Variants in ABHD18 observed in about 807,000 individuals in gnomAD.
ABHD18 encodes the protein cardiolipin-specific deacylase, mitochondrial.
A neutral mutation model predicts 65.9 loss-of-function variants in ABHD18; 55 were observed. The ratio of observed to expected loss-of-function variants is 0.84; its 90% CI spans 0.67 to 1.05. The LOEUF is 1.05. Ranked by LOEUF, ABHD18 falls within the 50% of genes least tolerant of loss-of-function variation. The pLI is 0.00. For synonymous variants in ABHD18, 181 were observed against 180.2 expected (o/e 1.00, Z -0.04); for missense variants, 533 against 558.5 (o/e 0.95, Z 0.46).
intron 10 of ABHD18, 108 bp downstream of exon 10, chr4:128,021,346 C>A: frequency 3.0e-6 from 2 of 674,142 alleles, no homozygotes; most frequent in Non-Finnish European, 4.9e-6. Context: ...CATAGCTGTA[C>A]ATACTATTTT....
At chr4:127,985,226 CT>C (rs1219745874) in intron 3 of ABHD18, among the ~76,000 whole-genome samples, 22 of 147,990 alleles carry the variant, frequency 1.5e-4, no homozygotes, top group East Asian at 5.9e-4. Context: ...TTTTTGTAAT[CT>C]TTTTTTTTTA....
chr4:128,021,690 A>C (rs1756526317), intron 10 of ABHD18, among the ~76,000 whole-genome samples: 1 of 152,144 alleles, frequency 6.6e-6, no homozygotes, highest in Non-Finnish European at 1.5e-5. Context: ...AAAATAAAAC[A>C]CAGATACAGA....
chr4:128,021,885 TC>T (rs1186049004), intron 10 of ABHD18, among the ~76,000 whole-genome samples: 1 of 152,208 alleles, frequency 6.6e-6, no homozygotes, highest in African/African-American at 2.4e-5. Flanking sequence ...TAGTAATTAC[TC>T]CTTCTGCCTT....
rs1202864757 is a variant in ABHD18 at position 127,989,759 on chromosome 4, C to T, written c.216C>T (p.His72=). ...EQSDCKILDG[H]FVSPMAHYVP... ...CAGATTGTAAGATCTTAGATGGACA[C>T]TTTGTTTCCCCCATGGCTCACTATG... The change falls in exon 4 of 13, where the codon CAC becomes CAT. Residue 72 remains histidine, a synonymous_variant. Transcript: ENST00000645843. 5.6e-6 allele frequency: 9 copies of T among 1,602,212 alleles called. No individual in the cohort carries two copies. The African/African-American group carries it at 6.7e-5, about 12-fold the overall frequency.
chr4:128,007,464 AGGTGCAATGACTCATGCCT>A (rs1215660583), intron 4 of ABHD18, among the ~76,000 whole-genome samples: 2 of 151,964 alleles, frequency 1.3e-5, no homozygotes, highest in African/African-American at 4.8e-5. Context: ...AACAAAGGCC[AGGTGCAATGACTCATGCCT>A]GTAATCCCAG....
At chr4:128,003,762 G>T (rs1014304780) in intron 4 of ABHD18, among the ~76,000 whole-genome samples, 2 of 151,254 alleles carry the variant, frequency 1.3e-5, no homozygotes, top group African/African-American at 4.8e-5. Flanking sequence ...TTCAGGCTGG[G>T]CAGAGACAGC....
chr4:128,023,577 A>G (rs1756882832), intron 10 of ABHD18, among the ~76,000 whole-genome samples: 1 of 148,882 alleles, frequency 6.7e-6, no homozygotes, highest in Non-Finnish European at 1.5e-5. Flanking sequence ...GAGCAAGACC[A>G]TTTCTCTTAA....
chr4:127,989,709 A>G lies in ABHD18; in HGVS notation c.178-12A>G. ...TTTTCTTGCATACATCTTGGTTTTG[A>G]TTTTCTTTTAGATTGAAGAGCAATC... On this transcript the variant is annotated splice_polypyrimidine_tract_variant and intron_variant, in intron 3 of 12. Coordinates refer to ENST00000645843, the MANE Select transcript of ABHD18 (RefSeq NM_001358451.3). 1 of 1,538,646 alleles carries G rather than the reference A, an allele frequency of 6.5e-7. No individual in the cohort carries two copies. Among genetic ancestry groups the G allele is most frequent in the Non-Finnish European group, 8.8e-7 (1 of 1,140,562 alleles).
rs564105478 is a variant in ABHD18, at chr4:127,979,447, C to T, written c.-17-3492C>T. ...GCGGGCACCTGTAGTCCCAGCTACT[C>T]GGGAGGCTGAGGCAGGAGAATCATT... On this transcript the variant is annotated intron_variant, in intron 1 of 12. Coordinates refer to ENST00000645843, the MANE Select transcript of ABHD18 (RefSeq NM_001358451.3). Among the ~76,000 whole-genome samples the T allele has an allele frequency of 2.4e-4, 37 of 152,098 alleles. No individual in the cohort carries two copies. In the South Asian group the frequency reaches 7.3e-3, roughly 30 times the overall value.
chr4:128,014,069 C>T (rs1015835303), intron 7 of ABHD18, among the ~76,000 whole-genome samples: 4 of 150,774 alleles, frequency 2.7e-5, no homozygotes, highest in African/African-American at 9.8e-5. Flanking sequence ...CTGCAACCTC[C>T]GCCTTCTGGG....
chr4:128,001,925 A>G (rs560638616), intron 4 of ABHD18, among the ~76,000 whole-genome samples: 24 of 150,234 alleles, frequency 1.6e-4, no homozygotes, highest in Admixed American at 1.3e-3. Flanking sequence ...TTCATCTATT[A>G]TTTTTGCAAT....
At chr4:128,025,520 G>A (rs1757213827) in intron 10 of ABHD18, among the ~76,000 whole-genome samples, 1 of 152,140 alleles carries the variant, frequency 6.6e-6, no homozygotes, top group Non-Finnish European at 1.5e-5. Flanking sequence ...GTGAATGGAT[G>A]TACCATAATT....
chr4:127,984,502 TA>T, intron 3 of ABHD18, 79 bp downstream of exon 3: 2 of 750,128 alleles, frequency 2.7e-6, no homozygotes, highest in Non-Finnish European at 4.2e-6. Flanking sequence ...CATATTGGAG[TA>T]TAACAACAAT....
At chr4:128,033,221 T>G (rs2149199703) in intron 12 of ABHD18, among the ~76,000 whole-genome samples, 1 of 152,100 alleles carries the variant, frequency 6.6e-6, no homozygotes, top group South Asian at 2.1e-4. Context: ...ACCACTGCAC[T>G]CCAGCCTGGG....
chr4:127,983,007 C>T lies in ABHD18; in HGVS notation c.52C>T (p.Leu18Phe). 1 of 1,563,710 alleles carries T rather than the reference C, an allele frequency of 6.4e-7. No individual in the cohort carries two copies. The highest frequency in any genetic ancestry group is 8.7e-7 in the Non-Finnish European group (1 of 1,152,714). The change falls in exon 2 of 13, where the codon CTT (leucine) becomes TTT (phenylalanine). Residue 18 changes from leucine (L) to phenylalanine (F), a missense_variant. Physicochemically the swap from Leu to Phe is conservative, Grantham distance 22 (BLOSUM62 0). Transcript: ENST00000645843. ...ILYRRLLLTK[L>F]FIRGWGRPED... is the part of the protein sequence containing the mutation. ...ATACCGGAGACTTCTCCTAACAAAACTTTTTATCAGAGGATGGGGAAGGCC... is the reference window on the plus strand; with the variant it reads ...ATACCGGAGACTTCTCCTAACAAAATTTTTTATCAGAGGATGGGGAAGGCC...
intron 10 of ABHD18, among the ~76,000 whole-genome samples, chr4:128,022,857 G>T (rs1021823434): frequency 6.7e-6 from 1 of 148,748 alleles, no homozygotes; most frequent in African/African-American, 2.5e-5. Context: ...TGCAACCTCC[G>T]CATCCCAGAT....
chr4:128,030,844 G>T, intron 12 of ABHD18, 172 bp downstream of exon 12: 1 of 1,362,028 alleles, frequency 7.3e-7, no homozygotes, highest in Non-Finnish European at 9.4e-7. Flanking sequence ...CCTAGAATTT[G>T]ATCTTCTTAT....
At chr4:127,977,829 A>G (rs1392336073) in intron 1 of ABHD18, among the ~76,000 whole-genome samples, 3 of 152,174 alleles carry the variant, frequency 2.0e-5, no homozygotes, top group Non-Finnish European at 4.4e-5. Flanking sequence ...AAGAAAAGGA[A>G]TCTTATGGTA....
intron 1 of ABHD18, among the ~76,000 whole-genome samples, chr4:127,972,685 C>T (rs915922663): frequency 4.0e-5 from 6 of 151,776 alleles, no homozygotes; most frequent in East Asian, 3.9e-4. Context: ...GGATTACAGG[C>T]GTGAGCCACC....
Sources: allele counts gnomAD v4.1 joint callset (sites outside exome capture counted in the v4.1 genomes callset), GRCh38; gene constraint gnomAD v4.1.1; transcripts MANE v1.5; gene names NCBI Gene and HGNC (gene_info 2026-07-23, HGNC 2026-07-21).